PPP2R2B: variants seen among roughly 807,000 people sequenced by gnomAD.
PPP2R2B encodes the protein serine/threonine-protein phosphatase 2A 55 kDa regulatory subunit B beta isoform.
A neutral mutation model predicts 46.0 loss-of-function variants in PPP2R2B; 5 were observed. The observed-to-expected ratio is 0.11, with a 90% CI of 0.06 to 0.23. The LOEUF (loss-of-function observed/expected upper bound fraction) is 0.23, where lower values mean the gene tolerates loss of function less well. PPP2R2B is among the 10% of genes least tolerant of loss of function. PPP2R2B has a pLI of 1.00. For synonymous variants in PPP2R2B, 215 were observed against 206.7 expected (o/e 1.04, Z -0.34); for missense variants, 367 against 575.0 (o/e 0.64, Z 3.70).
At chr5:146,635,211 C>A (rs1346750062) in intron 7 of PPP2R2B, among the ~76,000 whole-genome samples, 1 of 151,588 alleles carries the variant, frequency 6.6e-6, no homozygotes, top group Non-Finnish European at 1.5e-5. Context: ...TGAGGTCATG[C>A]AGGTACTGAG....
At chr5:147,054,562 C>T (rs933864586) in intron 1 of PPP2R2B, 2 of 455,858 alleles carry the variant, frequency 4.4e-6, no homozygotes, top group African/African-American at 4.0e-5. Flanking sequence ...TCCCAAATGT[C>T]TACTCCCTTC....
chr5:147,054,653 A>T (rs1388380316), intron 1 of PPP2R2B: 4 of 456,080 alleles, frequency 8.8e-6, no homozygotes, highest in Non-Finnish European at 1.8e-5. Flanking sequence ...CAGTCTCAGG[A>T]TTCTACCTGG....
At chr5:147,000,852 C>T (rs1754138159) in intron 1 of PPP2R2B, among the ~76,000 whole-genome samples, 1 of 152,086 alleles carries the variant, frequency 6.6e-6, no homozygotes, top group Non-Finnish European at 1.5e-5. Flanking sequence ...ACTAGGTTCA[C>T]ACTGATTTCT....
At chr5:146,665,008 G>A (rs1776894250) in intron 5 of PPP2R2B, among the ~76,000 whole-genome samples, 1 of 3,888 alleles carries the variant, frequency 2.6e-4, no homozygotes, top group Non-Finnish European at 4.8e-4. Context: ...GTAAACAGAT[G>A]TGCTCTATTC....
At chr5:146,702,109 G>T (rs943009330) in intron 2 of PPP2R2B, among the ~76,000 whole-genome samples, 33 of 150,736 alleles carry the variant, frequency 2.2e-4, no homozygotes, top group African/African-American at 7.6e-4. Context: ...GCCTTTGACA[G>T]GAACATTCTG....
chr5:146,652,711 G>A (rs909527273), intron 5 of PPP2R2B, among the ~76,000 whole-genome samples: 2 of 152,144 alleles, frequency 1.3e-5, no homozygotes, highest in African/African-American at 4.8e-5. Context: ...CAGAAGTAGT[G>A]AAGGGAGCTA....
chr5:146,623,652 G>A (rs777519402), intron 7 of PPP2R2B, among the ~76,000 whole-genome samples: 3 of 152,192 alleles, frequency 2.0e-5, no homozygotes, highest in Non-Finnish European at 4.4e-5. Context: ...TGGGATTAAG[G>A]ATGCCCATAC....
chr5:146,786,079 A>G (rs1193198507), intron 2 of PPP2R2B, among the ~76,000 whole-genome samples: 1 of 152,184 alleles, frequency 6.6e-6, no homozygotes, highest in Admixed American at 6.5e-5. Context: ...GAGGTGATGG[A>G]TATCCCAAGT....
intron 8 of PPP2R2B, among the ~76,000 whole-genome samples, chr5:146,594,264 G>C (rs1218792683): frequency 6.6e-6 from 1 of 152,218 alleles, no homozygotes; most frequent in East Asian, 1.9e-4. Flanking sequence ...GAGCAGGAGA[G>C]AGAAAGGGTT....
At chr5:146,618,813 C>A (rs55860458) in intron 7 of PPP2R2B, among the ~76,000 whole-genome samples, 18 of 152,348 alleles carry the variant, frequency 1.2e-4, no homozygotes, top group Non-Finnish European at 2.2e-4. Flanking sequence ...GAAACCAGAA[C>A]CCAGCGGCTG....
rs564069747 is a variant in PPP2R2B, at chr5:146,776,958, A to G, written c.71-75816T>C. Among the ~76,000 whole-genome samples, 11 of 152,234 alleles carry G rather than the reference A, an allele frequency of 7.2e-5. No individual in the cohort carries two copies. The South Asian group carries it at 2.1e-3, about 29-fold the overall frequency. On this transcript the variant is annotated intron_variant, in intron 2 of 9. Transcript: ENST00000394411. Reference sequence around the variant, plus strand: ...ATACCACACTAAGATACTACTTCACATCTACTAAGATGGCTATAATTTTTA... The same window carrying G: ...ATACCACACTAAGATACTACTTCACGTCTACTAAGATGGCTATAATTTTTA...
chr5:147,043,561 G>A (rs570664199), intron 1 of PPP2R2B, among the ~76,000 whole-genome samples: 4 of 152,154 alleles, frequency 2.6e-5, no homozygotes, highest in South Asian at 4.2e-4. Flanking sequence ...ACCCAGACTC[G>A]GGCATTTTGA....
intron 1 of PPP2R2B, among the ~76,000 whole-genome samples, chr5:146,930,578 G>A (rs1462790414): frequency 1.3e-5 from 2 of 152,118 alleles, no homozygotes; most frequent in Non-Finnish European, 2.9e-5. Context: ...TTTTGAACAG[G>A]CTTCCCAGGT....
chr5:146,935,854 CAGAT>C (rs1764122610), intron 1 of PPP2R2B, among the ~76,000 whole-genome samples: 1 of 152,148 alleles, frequency 6.6e-6, no homozygotes, highest in Non-Finnish European at 1.5e-5. Context: ...TGCTTGGACT[CAGAT>C]AGAGCTGGGT....
chr5:146,683,691 A>C (rs1195040118), intron 5 of PPP2R2B, among the ~76,000 whole-genome samples: 1 of 151,922 alleles, frequency 6.6e-6, no homozygotes, highest in African/African-American at 2.4e-5. Flanking sequence ...AACATCCCAA[A>C]CTCTCATCCC....
chr5:146,768,809 G>A (rs1754654278), intron 2 of PPP2R2B, among the ~76,000 whole-genome samples: 1 of 151,854 alleles, frequency 6.6e-6, no homozygotes, highest in Non-Finnish European at 1.5e-5. Context: ...TCTGCCTAGT[G>A]TTTCTGAGAC....
At chr5:146,689,594 CA>C (rs1778714584) in intron 5 of PPP2R2B, among the ~76,000 whole-genome samples, 1 of 152,164 alleles carries the variant, frequency 6.6e-6, no homozygotes. Flanking sequence ...ATGCATTTCT[CA>C]GAATATATTC....
chr5:146,889,158 A>C (rs955451034), intron 1 of PPP2R2B, among the ~76,000 whole-genome samples: 1 of 152,250 alleles, frequency 6.6e-6, no homozygotes, highest in African/African-American at 2.4e-5. Flanking sequence ...ATGAATCACA[A>C]GGGAAAATTA....
chr5:147,054,254 G>A (rs1756964986), intron 1 of PPP2R2B, among the ~76,000 whole-genome samples: 1 of 152,134 alleles, frequency 6.6e-6, no homozygotes, highest in African/African-American at 2.4e-5. Context: ...GAGAGGACAG[G>A]AGGACCAATC....
Sources: allele counts gnomAD v4.1 joint callset (sites outside exome capture counted in the v4.1 genomes callset), GRCh38; gene constraint gnomAD v4.1.1; transcripts MANE v1.5; gene names NCBI Gene and HGNC (gene_info 2026-07-23, HGNC 2026-07-21).